Variants in TMTC1 observed in about 807,000 individuals in gnomAD.
TMTC1 encodes the protein transmembrane O-mannosyltransferase targeting cadherins 1.
TMTC1 carries 73 observed loss-of-function variants against 104.8 expected under a neutral mutation model. The observed-to-expected ratio is 0.70, with a 90% CI of 0.58 to 0.85. The LOEUF (loss-of-function observed/expected upper bound fraction) is 0.85. TMTC1 is among the 40% of genes least tolerant of loss of function. The pLI is 0.00. For synonymous variants in TMTC1, 434 were observed against 428.7 expected (o/e 1.01, Z -0.15); for missense variants, 1,035 against 1,096.1 (o/e 0.94, Z 0.79).
At chr12:29,555,103 T>A (rs1424337449) in intron 10 of TMTC1, among the ~76,000 whole-genome samples, 2 of 150,072 alleles carry the variant, frequency 1.3e-5, no homozygotes, top group Non-Finnish European at 3.0e-5. Flanking sequence ...CTTCACAATC[T>A]ATAAAGGGTT....
At chr12:29,524,491 A>G (rs1944278992) in intron 11 of TMTC1, among the ~76,000 whole-genome samples, 1 of 152,242 alleles carries the variant, frequency 6.6e-6, no homozygotes, top group Non-Finnish European at 1.5e-5. Context: ...AAGAGAATTT[A>G]AAGATGACTT....
chr12:29,623,006 C>T (rs1937754687), intron 6 of TMTC1, among the ~76,000 whole-genome samples: 1 of 152,192 alleles, frequency 6.6e-6, no homozygotes. Flanking sequence ...TATTCTGCCT[C>T]TCCCACTCAA....
At chr12:29,532,042 T>A (rs1482133973) in intron 11 of TMTC1, among the ~76,000 whole-genome samples, 1 of 152,222 alleles carries the variant, frequency 6.6e-6, no homozygotes, top group East Asian at 1.9e-4. Context: ...TATATTTTTA[T>A]GTAAAATGAG....
At chr12:29,659,756 A>C in intron 5 of TMTC1, 1 of 649,758 alleles carries the variant, frequency 1.5e-6, no homozygotes, top group Non-Finnish European at 2.5e-6. Flanking sequence ...TCAAATGTAT[A>C]GTTTCTTTTC....
chr12:29,548,440 C>T (rs1379861248), intron 10 of TMTC1, among the ~76,000 whole-genome samples: 3 of 152,044 alleles, frequency 2.0e-5, no homozygotes, highest in Non-Finnish European at 4.4e-5. Context: ...GAGAGGGACC[C>T]GGTGGGAAGT....
chr12:29,668,134 CT>C (rs1940355338), intron 5 of TMTC1, among the ~76,000 whole-genome samples: 1 of 152,242 alleles, frequency 6.6e-6, no homozygotes, highest in Non-Finnish European at 1.5e-5. Context: ...CTGTCTTAGT[CT>C]GTTCATGGTG....
At chr12:29,509,883 C>T (rs1943786970) in intron 17 of TMTC1, among the ~76,000 whole-genome samples, 1 of 152,194 alleles carries the variant, frequency 6.6e-6, no homozygotes, top group African/African-American at 2.4e-5. Flanking sequence ...ATGGGTTCAC[C>T]TGGTAAAGAG....
intron 5 of TMTC1, among the ~76,000 whole-genome samples, chr12:29,675,320 T>C (rs1176728759): frequency 6.6e-6 from 1 of 152,148 alleles, no homozygotes; most frequent in Non-Finnish European, 1.5e-5. Context: ...AGTTTTCCAG[T>C]CTAAAGTTTC....
intron 6 of TMTC1, among the ~76,000 whole-genome samples, chr12:29,629,193 C>A (rs1239902023): frequency 6.6e-6 from 1 of 151,730 alleles, no homozygotes; most frequent in East Asian, 2.0e-4. Flanking sequence ...TGGTGGCGGG[C>A]GCCTGTAGTC....
intron 5 of TMTC1, among the ~76,000 whole-genome samples, chr12:29,639,072 C>T (rs1166247686): frequency 6.6e-6 from 1 of 152,200 alleles, no homozygotes; most frequent in Non-Finnish European, 1.5e-5. Context: ...AGGGAAACTT[C>T]ACTTGAATTC....
intron 5 of TMTC1, among the ~76,000 whole-genome samples, chr12:29,727,784 T>TG (rs1942436462): frequency 1.3e-5 from 2 of 151,458 alleles, no homozygotes; most frequent in Middle Eastern, 3.4e-3. Context: ...TTTGTAGCAG[T>TG]TTTTTGTTTT....
At chr12:29,568,929 G>C in intron 9 of TMTC1, 2 of 456,024 alleles carry the variant, frequency 4.4e-6, no homozygotes, top group South Asian at 3.1e-5. Context: ...GTCTATGGCA[G>C]ATCTGTCAGT....
chr12:29,624,546 T>G (rs1188330127), intron 6 of TMTC1, among the ~76,000 whole-genome samples: 1 of 152,290 alleles, frequency 6.6e-6, no homozygotes, highest in East Asian at 1.9e-4. Flanking sequence ...CTCAGCCTCC[T>G]TACTGTCTGT....
chr12:29,570,096 C>T (rs1178356148), intron 9 of TMTC1, among the ~76,000 whole-genome samples: 4 of 152,206 alleles, frequency 2.6e-5, no homozygotes, highest in South Asian at 2.1e-4. Context: ...GATACTGATA[C>T]ATTTCCTACC....
At chr12:29,672,134 G>A (rs144157151) in intron 5 of TMTC1, among the ~76,000 whole-genome samples, 1,888 of 152,296 alleles carry the variant, frequency 0.012, 19 homozygotes, top group Middle Eastern at 0.024. Context: ...GATTGATGGT[G>A]ACTCCATCTC....
intron 10 of TMTC1, among the ~76,000 whole-genome samples, chr12:29,551,543 T>C (rs1004333402): frequency 6.6e-6 from 1 of 152,186 alleles, no homozygotes; most frequent in African/African-American, 2.4e-5. Context: ...CTAACACTCA[T>C]ATTCTATTAT....
chr12:29,777,598 C>T (rs761535018), intron 1 of TMTC1, among the ~76,000 whole-genome samples: 2 of 119,792 alleles, frequency 1.7e-5, no homozygotes, highest in South Asian at 3.4e-4. Context: ...GTCCCTCCTA[C>T]ACTACCAGAC....
At chr12:29,602,717 C>T (rs192328954) in intron 7 of TMTC1, among the ~76,000 whole-genome samples, 60 of 152,146 alleles carry the variant, frequency 3.9e-4, no homozygotes, top group Admixed American at 8.5e-4. Context: ...TTAATGAATA[C>T]AATAGTATTT....
chr12:29,645,523 G>C (rs1455999866), intron 5 of TMTC1, among the ~76,000 whole-genome samples: 1 of 152,114 alleles, frequency 6.6e-6, no homozygotes, highest in African/African-American at 2.4e-5. Flanking sequence ...TATTAATAGA[G>C]AGCTTCATCA....
Sources: gnomAD v4.1 joint callset for allele counts (sites outside exome capture counted in the v4.1 genomes callset) on GRCh38, gnomAD v4.1.1 for gene constraint, MANE v1.5 for transcripts, NCBI Gene and HGNC (gene_info 2026-07-23, HGNC 2026-07-21) for gene names.